SH3PXD2A: variants seen among roughly 807,000 people sequenced by gnomAD.
SH3PXD2A encodes SH3 and PX domains 2A.
SH3PXD2A carries 32 observed loss-of-function variants against 115.2 expected under a neutral mutation model. The observed-to-expected ratio is 0.28, with a 90% confidence interval of 0.21 to 0.37. SH3PXD2A has a LOEUF of 0.37. Ranked by LOEUF, SH3PXD2A falls within the 10% of genes least tolerant of loss-of-function variation. The probability of loss-of-function intolerance (pLI) is 1.00; values close to 1 mark genes in which losing one functional copy is unlikely to be tolerated. For synonymous variants in SH3PXD2A, 610 were observed against 629.1 expected (o/e 0.97, Z 0.45); for missense variants, 1,328 against 1,498.7 (o/e 0.89, Z 1.88).
At chr10:103,760,394 C>T (rs2038686994) in intron 3 of SH3PXD2A, among the ~76,000 whole-genome samples, 1 of 152,032 alleles carries the variant, frequency 6.6e-6, no homozygotes, top group African/African-American at 2.4e-5. Flanking sequence ...CATGATAAAA[C>T]CCCATCTCTA....
At chr10:103,628,455 C>T (rs945841181) in intron 8 of SH3PXD2A, among the ~76,000 whole-genome samples, 3 of 151,922 alleles carry the variant, frequency 2.0e-5, no homozygotes, top group Non-Finnish European at 2.9e-5. Flanking sequence ...CTATGTGGCT[C>T]AGGGGCCTCA....
chr10:103,849,884 A>G (rs1842881259), intron 1 of SH3PXD2A, among the ~76,000 whole-genome samples: 1 of 152,138 alleles, frequency 6.6e-6, no homozygotes, highest in South Asian at 2.1e-4. Context: ...GATTCTCAGA[A>G]CTCGAGAGGA....
rs778867319 is a variant in SH3PXD2A at position 103,602,141 on chromosome 10, G to A, written c.3077C>T (p.Ala1026Val). The A allele has an allele frequency of 3.4e-5, 54 of 1,577,994 alleles. No individual in the cohort carries two copies. Among genetic ancestry groups the A allele is most frequent in the Middle Eastern group, 1.7e-4 (1 of 5,904 alleles). The change falls in exon 15 of 15, where the codon GCC becomes GTC. Residue 1026 changes from alanine (A) to valine (V), a missense_variant. Transcript: ENST00000369774. ...TTCGGCCAGGCGGCCCTTGGCCTCG[G>A]CGGCAGCGGAGCGAGCAGTGCTAAA... ...SSFSTARSAA[A>V]EAKGRLAERA...
chr10:103,715,721 A>C (rs892421877), intron 5 of SH3PXD2A, among the ~76,000 whole-genome samples: 1 of 152,236 alleles, frequency 6.6e-6, no homozygotes, highest in Admixed American at 6.5e-5. Context: ...AGCCAGACAT[A>C]AGCCGAGCAG....
intron 8 of SH3PXD2A, among the ~76,000 whole-genome samples, chr10:103,657,406 C>A (rs2037227680): frequency 6.6e-6 from 1 of 152,166 alleles, no homozygotes; most frequent in African/African-American, 2.4e-5. Context: ...GTATTTGAGG[C>A]AAATGAATGT....
At chr10:103,645,201 G>A (rs2037017893) in intron 8 of SH3PXD2A, among the ~76,000 whole-genome samples, 1 of 152,128 alleles carries the variant, frequency 6.6e-6, no homozygotes, top group Admixed American at 6.5e-5. Flanking sequence ...GCTCATCTTG[G>A]CATCCTGACA....
At position 103,595,735 on chromosome 10, in the gene SH3PXD2A, T is replaced by C. The variant is rs770877364; in HGVS notation, c.*6081A>G. 1.3e-5 allele frequency: 2 copies of C among 152,596 alleles called. No homozygotes were observed. The highest frequency in any genetic ancestry group is 6.5e-5 in the Admixed American group (1 of 15,276). The allele number at this position is 152,596 out of a possible 1,614,324, so 9.5% of individuals were successfully genotyped here. On this transcript the variant is annotated 3_prime_UTR_variant, in exon 15 of 15. Coordinates refer to ENST00000369774, the MANE Select transcript of SH3PXD2A (RefSeq NM_001394015.1). ...TCAAGGTTAAGTGCAAACTTGAGAT[T>C]TTAAAAAGACAGGATTGGGGAAGGG...
intron 1 of SH3PXD2A, among the ~76,000 whole-genome samples, chr10:103,837,299 C>T (rs1005506457): frequency 4.6e-5 from 7 of 152,176 alleles, no homozygotes; most frequent in African/African-American, 1.7e-4. Context: ...GGTGTGGGGA[C>T]CTGGGAGTCC....
intron 2 of SH3PXD2A, among the ~76,000 whole-genome samples, chr10:103,778,236 G>T (rs1408627417): frequency 6.6e-6 from 1 of 152,214 alleles, no homozygotes; most frequent in African/African-American, 2.4e-5. Flanking sequence ...GGGAGGCTGA[G>T]GCAGGAAATG....
At chr10:103,695,507 CAAAAAGAAAAA>C (rs2037813879) in intron 5 of SH3PXD2A, among the ~76,000 whole-genome samples, 1 of 116,006 alleles carries the variant, frequency 8.6e-6, no homozygotes, top group Non-Finnish European at 1.7e-5. Flanking sequence ...GACTCTGTCT[CAAAAAGAAAAA>C]AAAAAAAAAA....
intron 6 of SH3PXD2A, among the ~76,000 whole-genome samples, chr10:103,672,820 G>A (rs1348271274): frequency 6.6e-6 from 1 of 152,234 alleles, no homozygotes; most frequent in Non-Finnish European, 1.5e-5. Flanking sequence ...AGCAAAAGCA[G>A]TAGGTTCCTG....
intron 2 of SH3PXD2A, among the ~76,000 whole-genome samples, chr10:103,797,084 G>C (rs1404314079): frequency 1.3e-5 from 2 of 151,970 alleles, no homozygotes; most frequent in Non-Finnish European, 2.9e-5. Flanking sequence ...GGCTGGTCTT[G>C]AACTACTGAA....
rs1292642147 is a variant in SH3PXD2A at position 103,784,460 on chromosome 10, C to T, written c.153+16822G>A. Among the ~76,000 whole-genome samples the T allele has an allele frequency of 6.6e-6, 1 of 152,214 alleles. No homozygotes were observed. Among genetic ancestry groups the T allele is most frequent in the Non-Finnish European group, 1.5e-5 (1 of 68,042 alleles). ...GACCAGACACCTCTTCTATCTGCACCATTTTATTTATTTAAAAGAGACATA... is the reference window on the plus strand; with the variant it reads ...GACCAGACACCTCTTCTATCTGCACTATTTTATTTATTTAAAAGAGACATA... On this transcript the variant is annotated intron_variant, in intron 2 of 14. Coordinates refer to ENST00000369774, the MANE Select transcript of SH3PXD2A (RefSeq NM_001394015.1). The surrounding 1 kb of genome is among the most constrained non-coding windows in gnomAD (Gnocchi z 4.4).
intron 5 of SH3PXD2A, among the ~76,000 whole-genome samples, chr10:103,711,776 C>T (rs1313313788): frequency 6.6e-6 from 1 of 152,174 alleles, no homozygotes; most frequent in Non-Finnish European, 1.5e-5. Context: ...CTCTGGTGGC[C>T]AGGCATGGCA....
chr10:103,608,430 GAA>G (rs953168200), intron 13 of SH3PXD2A, among the ~76,000 whole-genome samples: 6 of 85,326 alleles, frequency 7.0e-5, no homozygotes, highest in Admixed American at 1.2e-4. Context: ...TCCATGTCAA[GAA>G]AAAAAAAAAA....
chr10:103,799,088 C>G (rs565344328), intron 2 of SH3PXD2A, among the ~76,000 whole-genome samples: 1 of 152,208 alleles, frequency 6.6e-6, no homozygotes, highest in Non-Finnish European at 1.5e-5. Context: ...AGTGAAGGAG[C>G]CTGTCCGGAG....
chr10:103,656,482 G>C (rs930212678), intron 8 of SH3PXD2A, among the ~76,000 whole-genome samples: 4 of 152,196 alleles, frequency 2.6e-5, no homozygotes, highest in Non-Finnish European at 4.4e-5. Context: ...GTCATGGTCG[G>C]ATGAGAGGAG....
chr10:103,625,971 G>T (rs1048216881), intron 9 of SH3PXD2A, among the ~76,000 whole-genome samples: 2 of 152,206 alleles, frequency 1.3e-5, no homozygotes, highest in African/African-American at 2.4e-5. Context: ...ACCTAGCTCA[G>T]GGGCCAAGAC....
chr10:103,705,012 CCCTAGGTAATA>C (rs1245775994), intron 5 of SH3PXD2A, among the ~76,000 whole-genome samples: 34 of 152,122 alleles, frequency 2.2e-4, no homozygotes, highest in Non-Finnish European at 4.9e-4. Context: ...CATCCAGGAA[CCCTAGGTAATA>C]CCTAGGTAAT....
Sources: allele counts gnomAD v4.1 joint callset (sites outside exome capture counted in the v4.1 genomes callset), GRCh38; gene constraint gnomAD v4.1.1; non-coding constraint Gnocchi (gnomAD v3.1); transcripts MANE v1.5; gene names NCBI Gene and HGNC (gene_info 2026-07-23, HGNC 2026-07-21).